The following HACD2 variants were observed in gnomAD, a reference collection of about 807,000 sequenced individuals.
HACD2 encodes 3-hydroxyacyl-CoA dehydratase 2.
Under a neutral mutation model 31.0 loss-of-function variants are expected in HACD2, and 15 were observed. The observed-to-expected ratio is 0.48, with a 90% CI of 0.32 to 0.75. The LOEUF (loss-of-function observed/expected upper bound fraction) is 0.75, where lower values mean the gene tolerates loss of function less well. Ranked by LOEUF, HACD2 falls within the 30% of genes least tolerant of loss-of-function variation. The pLI, the probability that HACD2 is intolerant of heterozygous loss-of-function variation, is 0.03. For missense variants in HACD2, 283 were observed against 313.0 expected, an observed-to-expected ratio of 0.90 and a Z score of 0.72; for synonymous variants, 115 against 122.2, an observed-to-expected ratio of 0.94 and a Z score of 0.39.
chr3:123,531,601 A>C (rs1156936987), intron 3 of HACD2, among the ~76,000 whole-genome samples: 1 of 152,154 alleles, frequency 6.6e-6, no homozygotes, highest in Non-Finnish European at 1.5e-5. Context: ...GTGAGCCACC[A>C]CACCTGGTCA....
At chr3:123,499,366 T>C (rs943688135) in intron 6 of HACD2, 3 of 191,462 alleles carry the variant, frequency 1.6e-5, no homozygotes, top group East Asian at 2.5e-4. Flanking sequence ...AATCAACCAC[T>C]TTTTACATTT....
At chr3:123,546,769 G>A (rs545550494) in intron 3 of HACD2, among the ~76,000 whole-genome samples, 4 of 152,304 alleles carry the variant, frequency 2.6e-5, no homozygotes, top group South Asian at 2.1e-4. Context: ...AATATCTGAA[G>A]AGAATCTGGG....
Position 123,500,377 on chromosome 3 carries a change from A to T in HACD2, c.682+138T>A, listed in dbSNP as rs1006769930. The stretch of plus-strand genomic sequence containing the variant: ...AAAAAAATTCCTTTTGATAGTCAGC[A>T]TTCAATAAAAACCAAGAATTCCCAA... On this transcript the variant is annotated intron_variant, in intron 6 of 6. Transcript: ENST00000383657. 7 of 647,954 alleles carry T rather than the reference A, an allele frequency of 1.1e-5. No homozygotes were observed. The African/African-American group carries it at 1.1e-4, about 10-fold the overall frequency. The allele number at this position is 647,954 out of a possible 1,614,324, so 40.1% of individuals were successfully genotyped here.
intron 3 of HACD2, among the ~76,000 whole-genome samples, chr3:123,538,258 T>C (rs2720318): frequency 0.53 from 80,496 of 151,968 alleles, 24,703 homozygotes; most frequent in Non-Finnish European, 0.69. Flanking sequence ...GGTTATTGGG[T>C]TCCGACAAAA....
At chr3:123,572,678 T>C (rs1252053133) in intron 2 of HACD2, among the ~76,000 whole-genome samples, 3 of 152,204 alleles carry the variant, frequency 2.0e-5, no homozygotes, top group Non-Finnish European at 2.9e-5. Context: ...AAATTTGAAC[T>C]AGGGGAATTA....
intron 2 of HACD2, among the ~76,000 whole-genome samples, chr3:123,569,004 C>A (rs959116361): frequency 1.3e-5 from 2 of 152,124 alleles, no homozygotes; most frequent in African/African-American, 4.8e-5. Context: ...CAGAGTCAGA[C>A]TTGACAAGAC....
At position 123,585,001 on chromosome 3, in the gene HACD2, T is replaced by G. The variant is rs1290970092; in HGVS notation, c.27A>C (p.Ala9=). Residue 9 remains alanine, a synonymous_variant, in exon 1 of 7, where the codon GCA becomes GCC. Transcript: ENST00000383657. ...CACCGCCGCCCCCATTCCCCTTCGC[T>G]GCTGCAGTCGCCGCCACTGCCGCCA... MAAVAATA[A]AKGNGGGGGR... The G allele has an allele frequency of 2.0e-6, 3 of 1,504,862 alleles. No individual in the cohort carries two copies. Among genetic ancestry groups the G allele is most frequent in the East Asian group, 2.8e-5 (1 of 36,248 alleles). 93.2% of individuals were successfully genotyped at this position (1,504,862 alleles called of 1,614,324 possible). A position where few individuals can be genotyped will look rare whatever the true frequency, so the allele number is the denominator to read the frequency against.
chr3:123,571,756 G>C (rs1016229328), intron 2 of HACD2, among the ~76,000 whole-genome samples: 1 of 152,172 alleles, frequency 6.6e-6, no homozygotes, highest in Non-Finnish European at 1.5e-5. Context: ...TTCTGACTTA[G>C]AAAACTATGA....
chr3:123,570,738 A>G (rs897210883), intron 2 of HACD2, among the ~76,000 whole-genome samples: 3 of 152,166 alleles, frequency 2.0e-5, no homozygotes, highest in African/African-American at 7.2e-5. Flanking sequence ...CTGTAAAAAG[A>G]CCTTGAAAAC....
At position 123,494,121 on chromosome 3, in the gene HACD2, T is replaced by C. The variant is rs942898363; in HGVS notation, c.*767A>G. On this transcript the variant is annotated 3_prime_UTR_variant, in exon 7 of 7. Coordinates refer to ENST00000383657, the MANE Select transcript of HACD2 (RefSeq NM_198402.5). The stretch of plus-strand genomic sequence containing the variant: ...AAAAGGACTTGTCACTTTTGAGCTA[T>C]TGAGCTCCCCCTTTCTGAGACCTGT... 2.0e-5 allele frequency: 3 copies of C among 152,320 alleles called. No homozygotes were observed. Among genetic ancestry groups the C allele is most frequent in the Non-Finnish European group, 4.4e-5 (3 of 68,128 alleles). The allele number at this position is 152,320 out of a possible 1,614,324, so 9.4% of individuals were successfully genotyped here.
chr3:123,519,964 G>A (rs895178073), intron 4 of HACD2, among the ~76,000 whole-genome samples: 2 of 152,164 alleles, frequency 1.3e-5, no homozygotes, highest in Non-Finnish European at 2.9e-5. Context: ...GGATAATAAC[G>A]CTGACTGTAC....
chr3:123,516,062 G>T (rs960423635), intron 4 of HACD2, among the ~76,000 whole-genome samples: 8 of 151,590 alleles, frequency 5.3e-5, no homozygotes, highest in Non-Finnish European at 5.9e-5. Flanking sequence ...GCCTGGCCTA[G>T]TATTAGTCTT....
intron 5 of HACD2, among the ~76,000 whole-genome samples, chr3:123,501,307 T>C (rs1044579771): frequency 2.6e-5 from 4 of 152,208 alleles, no homozygotes; most frequent in Non-Finnish European, 5.9e-5. Flanking sequence ...TATCGTCACA[T>C]GGGAGGGGAA....
intron 2 of HACD2, among the ~76,000 whole-genome samples, chr3:123,576,702 C>T (rs1346776888): frequency 1.3e-5 from 2 of 152,130 alleles, no homozygotes; most frequent in South Asian, 2.1e-4. Flanking sequence ...TAACAGACAA[C>T]GGTTATGTCC....
intron 3 of HACD2, among the ~76,000 whole-genome samples, chr3:123,554,112 T>C (rs931809973): frequency 0.05 from 1 of 20 alleles, no homozygotes; most frequent in Non-Finnish European, 0.083. Flanking sequence ...TTATATAATA[T>C]ATATTATCCT....
At chr3:123,504,918 G>A (rs896038497) in intron 4 of HACD2, among the ~76,000 whole-genome samples, 3 of 152,126 alleles carry the variant, frequency 2.0e-5, no homozygotes, top group African/African-American at 7.2e-5. Context: ...CATGATCAAT[G>A]AGACTCGAAG....
chr3:123,547,119 T>C (rs2056568673), intron 3 of HACD2, among the ~76,000 whole-genome samples: 1 of 152,216 alleles, frequency 6.6e-6, no homozygotes, highest in Admixed American at 6.5e-5. Flanking sequence ...CTACCAGATA[T>C]AAATGAAGTA....
chr3:123,570,307 C>T (rs2056840132), intron 2 of HACD2, among the ~76,000 whole-genome samples: 1 of 152,014 alleles, frequency 6.6e-6, no homozygotes, highest in Non-Finnish European at 1.5e-5. Flanking sequence ...TTTCAAAATA[C>T]GTATTTCAAC....
At chr3:123,521,430 GATAT>G (rs1278053966) in intron 4 of HACD2, among the ~76,000 whole-genome samples, 6 of 152,258 alleles carry the variant, frequency 3.9e-5, no homozygotes, top group South Asian at 2.1e-4. Flanking sequence ...AGGACCGTAG[GATAT>G]TTTTCTCTGG....
Sources: gnomAD v4.1 joint callset for allele counts (sites outside exome capture counted in the v4.1 genomes callset) on GRCh38, gnomAD v4.1.1 for gene constraint, MANE v1.5 for transcripts, NCBI Gene and HGNC (gene_info 2026-07-23, HGNC 2026-07-21) for gene names.